ASMT: variants seen among roughly 807,000 people sequenced by gnomAD.
The protein encoded by ASMT is acetylserotonin O-methyltransferase.
ASMT carries 53 observed loss-of-function variants against 41.3 expected under a neutral mutation model. The ratio of observed to expected loss-of-function variants is 1.28; its 90% CI spans 1.03 to 1.61. ASMT has a LOEUF of 1.61. Ranked by LOEUF, ASMT falls within the 40% of genes most tolerant of loss-of-function variation. The probability of loss-of-function intolerance (pLI) is 0.00; values close to 1 mark genes in which losing one functional copy is unlikely to be tolerated. For synonymous variants in ASMT, 231 were observed against 184.8 expected (o/e 1.25, Z -2.03); for missense variants, 531 against 441.3 (o/e 1.20, Z -1.82).
rs1324202530 is a variant in ASMT, at chrX:1,615,275, T to TA, written c.69+8dup. 1.1e-5 allele frequency: 17 copies of TA among 1,588,146 alleles called. No individual in the cohort carries two copies. Among genetic ancestry groups the TA allele is most frequent in the Non-Finnish European group, 1.4e-5 (16 of 1,167,110 alleles). On this transcript the variant is annotated splice_region_variant and intron_variant, in intron 1 of 8. Coordinates refer to ENST00000381241, the MANE Select transcript of ASMT (RefSeq NM_001171038.2). ...CGGCTTCATGGTGTCCCAGGTAGGA[T>TA]ACGCTCTGTGGGACAAGGGGGAATA...
chrX:1,642,335 G>A (rs1163077570), intron 8 of ASMT, among the ~76,000 whole-genome samples: 1 of 147,938 alleles, frequency 6.8e-6, no homozygotes, highest in Non-Finnish European at 1.5e-5. Context: ...TGAGGACATG[G>A]GCACAACCTC....
In ASMT at chrX:1,625,094, C is replaced by G. The variant is rs866649867; in HGVS notation, c.374+696C>G. ...GAAGGTTTCTTTTTCTTTGTTTTTT[C>G]TTTTCTTTTCTTTCTTTTTTTTTTT... On this transcript the variant is annotated intron_variant, in intron 3 of 8. Transcript: ENST00000381241. Among the ~76,000 whole-genome samples the G allele has an allele frequency of 7.4e-5, 10 of 134,730 alleles. No homozygotes were observed. The Admixed American group carries it at 7.6e-4, about 10-fold the overall frequency. 88.4% of individuals were successfully genotyped at this position (134,730 alleles called of 152,430 possible). A position where few individuals can be genotyped will look rare whatever the true frequency, so the allele number is the denominator to read the frequency against.
intron 7 of ASMT, 185 bp downstream of exon 7, chrX:1,633,475 A>AATT (rs1484123165): frequency 2.6e-5 from 5 of 192,648 alleles, no homozygotes; most frequent in South Asian, 1.7e-4. Flanking sequence ...GTTTTCTTAC[A>AATT]ATTATTATTA....
chrX:1,636,254 A>G lies in ASMT; in HGVS notation c.788-184A>G, dbSNP rs1256970133. The G allele has an allele frequency of 4.0e-5, 36 of 905,602 alleles. No homozygotes were observed. The East Asian group carries it at 4.4e-4, about 11-fold the overall frequency. 56.1% of individuals were successfully genotyped at this position (905,602 alleles called of 1,614,324 possible). A position where few individuals can be genotyped will look rare whatever the true frequency, so the allele number is the denominator to read the frequency against. Reference sequence around the variant, plus strand: ...TTACAGGCGTGAGCCACCGCGCCCGACCTCAGTATTTTCTTATCTTTCTCC... The same window carrying G: ...TTACAGGCGTGAGCCACCGCGCCCGGCCTCAGTATTTTCTTATCTTTCTCC... On this transcript the variant is annotated intron_variant, in intron 7 of 8. Transcript: ENST00000381241.
intron 8 of ASMT, 192 bp downstream of exon 8, chrX:1,636,752 A>T (rs1934981106): frequency 5.7e-6 from 2 of 350,960 alleles, no homozygotes; most frequent in Non-Finnish European, 8.0e-6. Flanking sequence ...AAAACCACAT[A>T]AAGATGGAAA....
At chrX:1,625,131 G>A (rs1340307661) in intron 3 of ASMT, among the ~76,000 whole-genome samples, 1 of 146,994 alleles carries the variant, frequency 6.8e-6, no homozygotes, top group Non-Finnish European at 1.5e-5. Flanking sequence ...TTGAGATGGA[G>A]TCTTGCTCTG....
At chrX:1,621,475 G>A (rs1356181856) in intron 1 of ASMT, among the ~76,000 whole-genome samples, 2 of 150,946 alleles carry the variant, frequency 1.3e-5, no homozygotes, top group Admixed American at 6.6e-5. Context: ...ACACCACCAT[G>A]CCCAGCTAAT....
At chrX:1,619,549 T>TATAATAATAATAATA (rs745727836) in intron 1 of ASMT, among the ~76,000 whole-genome samples, 50 of 129,830 alleles carry the variant, frequency 3.9e-4, no homozygotes, top group African/African-American at 1.5e-3. Context: ...GAACTTAAAG[T>TATAATAATAATAATA]ATAATAATAA....
intron 1 of ASMT, among the ~76,000 whole-genome samples, chrX:1,617,592 G>GC (rs1206823113): frequency 1.3e-5 from 2 of 151,838 alleles, no homozygotes; most frequent in Admixed American, 1.3e-4. Flanking sequence ...CCGTCAGCAA[G>GC]CCACCGGTTT....
chrX:1,629,474 G>C lies in ASMT; in HGVS notation c.444-347G>C, dbSNP rs568163511. Among the ~76,000 whole-genome samples, 412 of 152,228 alleles carry C rather than the reference G, an allele frequency of 2.7e-3. 2 individuals carry two copies. The highest frequency in any genetic ancestry group is 9.2e-3 in the African/African-American group (382 of 41,562). ...CCCAGGATGTGTGGACCTCCCACCC[G>C]CTTCCTGGATTTGTCCTCTGGGGCT... On this transcript the variant is annotated intron_variant, in intron 4 of 8. Coordinates refer to ENST00000381241, the MANE Select transcript of ASMT (RefSeq NM_001171038.2).
chrX:1,626,424 G>C (rs1450525102), intron 3 of ASMT, among the ~76,000 whole-genome samples: 1 of 151,774 alleles, frequency 6.6e-6, no homozygotes, highest in Non-Finnish European at 1.5e-5. Context: ...TAGAGACGGG[G>C]TTTCACCCTG....
intron 5 of ASMT, 48 bp downstream of exon 5, chrX:1,629,987 G>C (rs759472482): frequency 1.7e-5 from 25 of 1,441,474 alleles, no homozygotes; most frequent in Admixed American, 3.3e-5. Flanking sequence ...CTTCTGTTCT[G>C]TATGGGGAAT....
At chrX:1,636,653 A>G in intron 8 of ASMT, 93 bp downstream of exon 8, 1 of 1,600,338 alleles carries the variant, frequency 6.2e-7, no homozygotes, top group East Asian at 2.2e-5. Flanking sequence ...AAATCATCCC[A>G]CAGGTAAGGG....
At chrX:1,636,352 C>G (rs766124162) in intron 7 of ASMT, 86 bp from the exon 8 acceptor site, 18 of 1,599,010 alleles carry the variant, frequency 1.1e-5, no homozygotes, top group South Asian at 8.8e-5. Context: ...CGTGACCCAT[C>G]CAGGTGACCT....
intron 5 of ASMT, among the ~76,000 whole-genome samples, chrX:1,631,179 G>A (rs1432332121): frequency 6.6e-6 from 1 of 151,646 alleles, no homozygotes; most frequent in Middle Eastern, 3.2e-3. Flanking sequence ...CTCCCAAAGT[G>A]CCAGGATTGC....
At chrX:1,617,217 C>T (rs1289420212) in intron 1 of ASMT, among the ~76,000 whole-genome samples, 1 of 151,326 alleles carries the variant, frequency 6.6e-6, no homozygotes, top group African/African-American at 2.4e-5. Context: ...GCCTGTCATC[C>T]CAGCACTTTT....
chrX:1,616,697 C>T lies in ASMT; in HGVS notation c.69+1429C>T, dbSNP rs1447875486. Among the ~76,000 whole-genome samples, 4 of 151,100 alleles carry T rather than the reference C, an allele frequency of 2.6e-5. No individual in the cohort carries two copies. In the South Asian group the frequency reaches 6.2e-4, roughly 24 times the overall value. ...CCAGTCTGGGCAACATAGTGAGACC[C>T]CCCATTTCTACAAATTCTTTTTTCT... On this transcript the variant is annotated intron_variant, in intron 1 of 8. Coordinates refer to ENST00000381241, the MANE Select transcript of ASMT (RefSeq NM_001171038.2).
chrX:1,619,800 G>T (rs748211375), intron 1 of ASMT, among the ~76,000 whole-genome samples: 7 of 151,534 alleles, frequency 4.6e-5, no homozygotes, highest in African/African-American at 1.4e-4. Flanking sequence ...AATTTAAAAA[G>T]GTTAATACGG....
intron 4 of ASMT, among the ~76,000 whole-genome samples, chrX:1,629,084 AT>A (rs1382767051): frequency 1.4e-4 from 3 of 21,346 alleles, no homozygotes; most frequent in Non-Finnish European, 2.9e-4. Context: ...TCCTTTCTTT[AT>A]ATATATATAT....
Sources: allele counts gnomAD v4.1 joint callset (sites outside exome capture counted in the v4.1 genomes callset), GRCh38; gene constraint gnomAD v4.1.1; transcripts MANE v1.5; gene names NCBI Gene and HGNC (gene_info 2026-07-23, HGNC 2026-07-21).